Variants in ROBO2 observed in about 807,000 individuals in gnomAD.
ROBO2 encodes the protein roundabout guidance receptor 2.
ROBO2 carries 53 observed loss-of-function variants against 160.8 expected under a neutral mutation model. The ratio of observed to expected loss-of-function variants is 0.33; its 90% CI spans 0.26 to 0.41. ROBO2 has a LOEUF of 0.41. Ranked by LOEUF, ROBO2 falls within the 10% of genes least tolerant of loss-of-function variation. The pLI, the probability that ROBO2 is intolerant of heterozygous loss-of-function variation, is 1.00. For synonymous variants in ROBO2, 664 were observed against 611.7 expected (o/e 1.09, Z -1.26); for missense variants, 1,577 against 1,722.4 (o/e 0.92, Z 1.49).
intron 21 of ROBO2, among the ~76,000 whole-genome samples, chr3:77,608,306 A>G (rs1229046839): frequency 6.6e-6 from 1 of 152,144 alleles, no homozygotes; most frequent in African/African-American, 2.4e-5. Context: ...AATTAAAATA[A>G]CCTTCTTCAT....
In ROBO2 at chr3:76,655,187, C is replaced by A. The variant is rs372727116; in HGVS notation, c.110-442827C>A. Among the ~76,000 whole-genome samples, 12 of 149,386 alleles carry A rather than the reference C, an allele frequency of 8.0e-5. No homozygotes were observed. In the East Asian group the frequency reaches 1.2e-3, roughly 15 times the overall value. ...CAGGGGTGGAATTGCTGATTTTTAT[C>A]GTAAGAGAATAGTCAAAATTCTATC... On this transcript the variant is annotated intron_variant, in intron 2 of 26. Transcript: ENST00000487694.
chr3:76,515,868 T>C (rs1325543864), intron 2 of ROBO2, among the ~76,000 whole-genome samples: 1 of 152,210 alleles, frequency 6.6e-6, no homozygotes, highest in East Asian at 1.9e-4. Context: ...GGAACATGTA[T>C]GGTCTCTCGA....
At chr3:76,980,415 C>T (rs1006723214) in intron 2 of ROBO2, among the ~76,000 whole-genome samples, 9 of 152,106 alleles carry the variant, frequency 5.9e-5, no homozygotes, top group Admixed American at 1.3e-4. Context: ...GGAGGATGAA[C>T]GGTTCCATCT....
At chr3:76,697,610 C>T (rs2092954554) in intron 2 of ROBO2, among the ~76,000 whole-genome samples, 1 of 152,112 alleles carries the variant, frequency 6.6e-6, no homozygotes. Context: ...TGCAACACTG[C>T]ACTCCAGCCT....
At chr3:76,711,659 C>T (rs1037148360) in intron 2 of ROBO2, among the ~76,000 whole-genome samples, 2 of 152,100 alleles carry the variant, frequency 1.3e-5, no homozygotes, top group African/African-American at 2.4e-5. Flanking sequence ...CTAAGTCGAC[C>T]GTCTAGAATG....
At chr3:76,800,002 G>C (rs914035775) in intron 2 of ROBO2, among the ~76,000 whole-genome samples, 2 of 152,106 alleles carry the variant, frequency 1.3e-5, no homozygotes, top group Non-Finnish European at 2.9e-5. Context: ...AAACCTGCAT[G>C]GTACTGGCAT....
intron 2 of ROBO2, among the ~76,000 whole-genome samples, chr3:76,563,197 C>A (rs1287825765): frequency 6.6e-6 from 1 of 151,968 alleles, no homozygotes; most frequent in Admixed American, 6.6e-5. Context: ...AATTTCTCTA[C>A]TAGAAGAAAA....
At chr3:76,085,114 T>TACACACAC (rs1177327215) in intron 2 of ROBO2, among the ~76,000 whole-genome samples, 4 of 128,958 alleles carry the variant, frequency 3.1e-5, no homozygotes, top group African/African-American at 8.1e-5. Flanking sequence ...TATATATATA[T>TACACACAC]ATACACACAC....
chr3:77,428,337 A>ATTTTTTTTTTTT (rs1491236295), intron 2 of ROBO2, among the ~76,000 whole-genome samples: 4 of 128,224 alleles, frequency 3.1e-5, no homozygotes, highest in Admixed American at 9.0e-5. Context: ...AACTTAGGTA[A>ATTTTTTTTTTTT]TATTTTTTTT....
At chr3:75,923,296 T>C (rs1332356472) in intron 1 of ROBO2, among the ~76,000 whole-genome samples, 1 of 152,200 alleles carries the variant, frequency 6.6e-6, no homozygotes, top group Non-Finnish European at 1.5e-5. Flanking sequence ...TGAACTTGCT[T>C]CCCTAAGCAT....
intron 2 of ROBO2, among the ~76,000 whole-genome samples, chr3:76,554,073 CATGAAAATGAAATT>C (rs1053525030): frequency 1.3e-5 from 2 of 152,088 alleles, no homozygotes; most frequent in Non-Finnish European, 2.9e-5. Flanking sequence ...TAATCACACA[CATGAAAATGAAATT>C]ACCCTAGATA....
chr3:76,960,706 A>G (rs924771821), intron 2 of ROBO2, among the ~76,000 whole-genome samples: 2 of 152,170 alleles, frequency 1.3e-5, no homozygotes, highest in African/African-American at 2.4e-5. Context: ...AAAGTGACAC[A>G]TACTCTATTT....
chr3:77,322,319 T>G (rs752155427), intron 2 of ROBO2, among the ~76,000 whole-genome samples: 1 of 152,146 alleles, frequency 6.6e-6, no homozygotes, highest in South Asian at 2.1e-4. Context: ...AAAAAATCTA[T>G]AATGAAGAGG....
At chr3:76,603,346 AAAAAAAT>A (rs1215136319) in intron 2 of ROBO2, among the ~76,000 whole-genome samples, 67 of 56,914 alleles carry the variant, frequency 1.2e-3, no homozygotes, top group African/African-American at 4.4e-3. Context: ...AAAAAAAAAA[AAAAAAAT>A]ATATATATAT....
Position 77,101,153 on chromosome 3 carries a change from A to C in ROBO2, c.388+2813A>C, listed in dbSNP as rs149301772. 2.5e-3 allele frequency among the ~76,000 whole-genome samples: 382 copies of C among 152,382 alleles called. 8 individuals carry two copies. In the South Asian group the frequency reaches 0.03, roughly 12 times the overall value. ...TCAGAGAGGCATTAAGTAGCTGTCAAATAATTCAGAAAAGAGTTGATGCTA... is the reference window on the plus strand; with the variant it reads ...TCAGAGAGGCATTAAGTAGCTGTCACATAATTCAGAAAAGAGTTGATGCTA... On this transcript the variant is annotated intron_variant, in intron 2 of 25. Coordinates refer to ENST00000461745, the Ensembl canonical transcript of ROBO2.
chr3:76,851,162 T>C (rs1156603340), intron 2 of ROBO2, among the ~76,000 whole-genome samples: 2 of 152,182 alleles, frequency 1.3e-5, no homozygotes, highest in African/African-American at 4.8e-5. Flanking sequence ...GCCCTGTAGA[T>C]CTACATTGTC....
At chr3:76,938,151 G>A (rs56385518) in intron 2 of ROBO2, among the ~76,000 whole-genome samples, 44,289 of 152,010 alleles carry the variant, frequency 0.29, 6,544 homozygotes, top group Middle Eastern at 0.41. Flanking sequence ...GAGGTTAAGA[G>A]ATTAAGACCA....
At chr3:76,383,291 CTA>C (rs1333261638) in intron 2 of ROBO2, among the ~76,000 whole-genome samples, 1 of 152,244 alleles carries the variant, frequency 6.6e-6, no homozygotes, top group East Asian at 1.9e-4. Flanking sequence ...CTTTATAAAA[CTA>C]TGCAATGGAT....
At chr3:76,868,173 T>A (rs141462226) in intron 2 of ROBO2, among the ~76,000 whole-genome samples, 1 of 152,214 alleles carries the variant, frequency 6.6e-6, no homozygotes, top group African/African-American at 2.4e-5. Context: ...TTTGTTTTTT[T>A]TACCCAACCT....
Sources: gnomAD v4.1 joint callset for allele counts (sites outside exome capture counted in the v4.1 genomes callset) on GRCh38, gnomAD v4.1.1 for gene constraint, MANE v1.5 for transcripts, NCBI Gene and HGNC (gene_info 2026-07-23, HGNC 2026-07-21) for gene names.